The following ATAD2B variants were observed in gnomAD, a reference collection of about 807,000 sequenced individuals.
ATAD2B encodes ATPase family AAA domain-containing protein 2B.
In ATAD2B, 40 loss-of-function variants were observed where a neutral mutation model predicts 167.6. The observed-to-expected ratio is 0.24, with a 90% CI of 0.19 to 0.31. The LOEUF is 0.31. Among genes scored for constraint, ATAD2B ranks in the 10% least tolerant of loss-of-function variants. ATAD2B has a pLI of 1.00. For missense variants in ATAD2B, 1,242 were observed against 1,757.2 expected (o/e 0.71, Z 5.24); for synonymous variants, 579 against 596.5 (o/e 0.97, Z 0.43).
the ATAD2B span, among the ~76,000 whole-genome samples, chr2:23,737,507 T>A: frequency 6.6e-6 from 1 of 152,062 alleles, no homozygotes; most frequent in Non-Finnish European, 1.5e-5. Flanking sequence ...GAAGGAAAAC[T>A]AACAAACAGA....
chr2:23,869,803 AAAC>A lies in ATAD2B; in HGVS notation c.978-45_978-43del, dbSNP rs766901062. ...AAATCCTTAAAACCATTATAATAGC[AAAC>A]AACTTTTTAAAACACACTGTAATAT... is the stretch of plus-strand genomic sequence containing the variant. On this transcript the variant is annotated intron_variant, in intron 8 of 27. Coordinates refer to ENST00000238789, the MANE Select transcript of ATAD2B (RefSeq NM_017552.4). The A allele has an allele frequency of 3.0e-6, 4 of 1,342,168 alleles. No individual in the cohort carries two copies. The African/African-American group carries it at 5.9e-5, about 20-fold the overall frequency. The allele number at this position is 1,342,168 out of a possible 1,614,324, so 83.1% of individuals were successfully genotyped here.
intron 19 of ATAD2B, among the ~76,000 whole-genome samples, chr2:23,797,296 T>C (rs1682772478): frequency 6.6e-6 from 1 of 152,148 alleles, no homozygotes; most frequent in African/African-American, 2.4e-5. Flanking sequence ...CTCAGGGTAT[T>C]AAAACAATTT....
rs528072950 is a variant in ATAD2B, at chr2:23,872,619, G to C, written c.978-2858C>G. The C allele has an allele frequency of 3.8e-6, 5 of 1,328,700 alleles. No individual in the cohort carries two copies. In the African/African-American group the frequency reaches 5.8e-5, roughly 15 times the overall value. 82.3% of individuals were successfully genotyped at this position (1,328,700 alleles called of 1,614,324 possible). ...TCCTTACTAATGTTGCTGTAGAAAGGATGGTCAGGCTCCATCGGAGGTGGT... is the reference window on the plus strand; with the variant it reads ...TCCTTACTAATGTTGCTGTAGAAAGCATGGTCAGGCTCCATCGGAGGTGGT... On this transcript the variant is annotated intron_variant, in intron 8 of 27. Transcript: ENST00000238789.
At chr2:23,836,903 A>G (rs1178631903) in intron 13 of ATAD2B, among the ~76,000 whole-genome samples, 1 of 152,152 alleles carries the variant, frequency 6.6e-6, no homozygotes, top group Non-Finnish European at 1.5e-5. Context: ...GGGCAGGCCC[A>G]GAAAAAGCAC....
At chr2:23,805,008 T>C (rs1196804584) in intron 18 of ATAD2B, among the ~76,000 whole-genome samples, 2 of 151,524 alleles carry the variant, frequency 1.3e-5, no homozygotes, top group Non-Finnish European at 2.9e-5. Flanking sequence ...CTGGGCGTGG[T>C]GGTGGGCGCC....
chr2:23,845,343 A>G (rs914242265), intron 13 of ATAD2B, among the ~76,000 whole-genome samples: 5 of 152,200 alleles, frequency 3.3e-5, no homozygotes, highest in African/African-American at 1.2e-4. Context: ...TAGCCATACA[A>G]TAAGAATACT....
intron 8 of ATAD2B, among the ~76,000 whole-genome samples, chr2:23,874,595 C>T (rs759890994): frequency 1.1e-4 from 17 of 151,080 alleles, no homozygotes; most frequent in Admixed American, 2.6e-4. Flanking sequence ...CCCAGCTACT[C>T]GGGAGGCTGA....
At chr2:23,804,787 A>G (rs1684093223) in intron 18 of ATAD2B, among the ~76,000 whole-genome samples, 1 of 152,140 alleles carries the variant, frequency 6.6e-6, no homozygotes, top group South Asian at 2.1e-4. Flanking sequence ...GAATATATAT[A>G]CAAATTAACC....
At chr2:23,777,751 G>C (rs1267748887) in intron 22 of ATAD2B, among the ~76,000 whole-genome samples, 1 of 152,128 alleles carries the variant, frequency 6.6e-6, no homozygotes, top group Non-Finnish European at 1.5e-5. Context: ...CGAGAATGGG[G>C]ATGAGCCAAA....
chr2:23,832,415 T>G, intron 14 of ATAD2B: 1 of 304,290 alleles, frequency 3.3e-6, no homozygotes, highest in Middle Eastern at 4.4e-4. Flanking sequence ...ATGTTCAAGA[T>G]CCATGCTGTG....
intron 15 of ATAD2B, among the ~76,000 whole-genome samples, chr2:23,828,432 A>C (rs938240713): frequency 6.6e-6 from 1 of 152,204 alleles, no homozygotes; most frequent in African/African-American, 2.4e-5. Context: ...TTTCTAGACC[A>C]CAGGAATGAA....
At position 23,840,939 on chromosome 2, in the gene ATAD2B, C is replaced by T. The variant is rs536998398; in HGVS notation, c.1569-6861G>A. On this transcript the variant is annotated intron_variant, in intron 13 of 27. Transcript: ENST00000238789. ...TTGTTACTTTTAAGACAGGGTCTCA[C>T]TCTGTCATCCAGAATGGAGTACAGT... is the stretch of plus-strand genomic sequence containing the variant. 2.5e-4 allele frequency among the ~76,000 whole-genome samples: 38 copies of T among 152,254 alleles called. No homozygotes were observed. In the South Asian group the frequency reaches 7.3e-3, roughly 29 times the overall value.
chr2:23,695,701 G>C, the ATAD2B span: 1 of 1,551,646 alleles, frequency 6.4e-7, no homozygotes, highest in African/African-American at 1.4e-5. The surrounding 1 kb of genome is among the most constrained non-coding windows in gnomAD (Gnocchi z 7.6). Context: ...TGACAATGAA[G>C]AGCTGATCAA....
At chr2:23,754,552 T>A in intron 26 of ATAD2B, 95 bp downstream of exon 26, 1 of 1,457,418 alleles carries the variant, frequency 6.9e-7, no homozygotes, top group Non-Finnish European at 9.3e-7. Flanking sequence ...TATTTCAGGG[T>A]TAAAGCAGGA....
At chr2:23,713,804 C>T in the ATAD2B span, among the ~76,000 whole-genome samples, 3 of 152,222 alleles carry the variant, frequency 2.0e-5, no homozygotes, top group East Asian at 1.9e-4. Flanking sequence ...TGGATATATA[C>T]AAAAATGAAT....
At chr2:23,713,069 G>A in the ATAD2B span, among the ~76,000 whole-genome samples, 6 of 152,372 alleles carry the variant, frequency 3.9e-5, no homozygotes, top group African/African-American at 1.2e-4. Flanking sequence ...GCCTACAGAT[G>A]ACTGAAGAAG....
At chr2:23,800,712 ATCT>A (rs1305704302) in intron 18 of ATAD2B, among the ~76,000 whole-genome samples, 1 of 152,060 alleles carries the variant, frequency 6.6e-6, no homozygotes, top group Admixed American at 6.6e-5. Flanking sequence ...TTTTCATCTC[ATCT>A]TCTCAAAATT....
intron 13 of ATAD2B, chr2:23,856,395 T>C: frequency 5.7e-6 from 2 of 351,788 alleles, no homozygotes. Context: ...TTCAGATTTT[T>C]GGATTTGGGA....
chr2:23,684,981 G>A, the ATAD2B span, among the ~76,000 whole-genome samples: 8 of 152,216 alleles, frequency 5.3e-5, no homozygotes, highest in Admixed American at 2.0e-4. This position sits in a 1 kb window ranked among gnomAD's most constrained non-coding sequence, Gnocchi z 4.4. Flanking sequence ...CCAGGAAAGC[G>A]CATCGGCCAG....
Sources: gnomAD v4.1 joint callset for allele counts (sites outside exome capture counted in the v4.1 genomes callset) on GRCh38, gnomAD v4.1.1 for gene constraint, Gnocchi (gnomAD v3.1) non-coding constraint, MANE v1.5 for transcripts, NCBI Gene and HGNC (gene_info 2026-07-23, HGNC 2026-07-21) for gene names.